The following PIAS1 variants were observed in gnomAD, a reference collection of about 807,000 sequenced individuals.
PIAS1 encodes the protein E3 SUMO-protein ligase PIAS1.
PIAS1 carries 6 observed loss-of-function variants against 71.3 expected under a neutral mutation model. The observed-to-expected ratio is 0.08, with a 90% CI of 0.05 to 0.17. PIAS1 has a LOEUF of 0.17. Among genes scored for constraint, PIAS1 ranks in the 10% least tolerant of loss-of-function variants. PIAS1 has a pLI of 1.00. For synonymous variants in PIAS1, 303 were observed against 292.9 expected, an observed-to-expected ratio of 1.03 and a Z score of -0.35; for missense variants, 555 against 793.6, an observed-to-expected ratio of 0.70 and a Z score of 3.61.
In PIAS1 at chr15:68,174,557, A is replaced by T. The variant is rs964034994; in HGVS notation, c.1169+665A>T. The stretch of plus-strand genomic sequence containing the variant: ...TTTTTTTGGGGATGGGGGGTTAGAG[A>T]CAGAGTCTTGCCATTTTGCCCAGGC... On this transcript the variant is annotated intron_variant, in intron 9 of 13. Coordinates refer to ENST00000249636, the MANE Select transcript of PIAS1 (RefSeq NM_016166.3). This position sits in a 1 kb window ranked among gnomAD's most constrained non-coding sequence, Gnocchi z 4.0. Among the ~76,000 whole-genome samples the T allele has an allele frequency of 6.6e-6, 1 of 152,140 alleles. No individual in the cohort carries two copies. Among genetic ancestry groups the T allele is most frequent in the Non-Finnish European group, 1.5e-5 (1 of 68,036 alleles).
intron 2 of PIAS1, among the ~76,000 whole-genome samples, chr15:68,098,548 A>G (rs1277682715): frequency 6.6e-6 from 1 of 152,134 alleles, no homozygotes; most frequent in Non-Finnish European, 1.5e-5. Context: ...TTGTTTTTAA[A>G]TTTTTAAATA....
At chr15:68,163,259 C>G (rs577428117) in intron 7 of PIAS1, among the ~76,000 whole-genome samples, 1 of 152,284 alleles carries the variant, frequency 6.6e-6, no homozygotes, top group Middle Eastern at 3.4e-3. Context: ...TGTATAATGA[C>G]AAAGGCATAC....
chr15:68,084,962 A>G (rs1208256390), intron 1 of PIAS1, among the ~76,000 whole-genome samples: 2 of 152,216 alleles, frequency 1.3e-5, no homozygotes, highest in Admixed American at 1.3e-4. Flanking sequence ...CCAGAGAAGT[A>G]AAGGAAGGAC....
Position 68,189,618 on chromosome 15 carries a change from A to C in PIAS1, c.*1783A>C, listed in dbSNP as rs1306081185. 1 of 152,170 alleles carries C rather than the reference A, an allele frequency of 6.6e-6. No homozygotes were observed. The highest frequency in any genetic ancestry group is 2.4e-5 in the African/African-American group (1 of 41,438). 9.4% of individuals were successfully genotyped at this position (152,170 alleles called of 1,614,324 possible). A position where few individuals can be genotyped will look rare whatever the true frequency, so the allele number is the denominator to read the frequency against. On this transcript the variant is annotated 3_prime_UTR_variant, in exon 14 of 14. Coordinates refer to ENST00000249636, the MANE Select transcript of PIAS1 (RefSeq NM_016166.3). ...TTGACTTGAATTTTGGGAAAAAAAA[A>C]AGTTGGTGTTGATATGTATATGTGT... is the stretch of plus-strand genomic sequence containing the variant.
In PIAS1 at chr15:68,181,249, C is replaced by A; in HGVS notation, c.1519C>A (p.Arg507Ser). The change falls in exon 12 of 14, where the codon CGC (arginine) becomes AGC (serine). Residue 507 changes from arginine (R) to serine (S), a missense_variant. Physicochemically the swap from Arg to Ser is moderately radical, Grantham distance 110. Transcript: ENST00000249636. ...SLPHQASPVS[R>S]TPSLPAVDTS... ...TCCACATCAAGCATCTCCAGTATCC[C>A]GCACCCCAAGCCTTCCTGCTGTAGA... 1 of 1,613,366 alleles carries A rather than the reference C, an allele frequency of 6.2e-7. No homozygotes were observed. Among genetic ancestry groups the A allele is most frequent in the South Asian group, 1.1e-5 (1 of 91,020 alleles).
At chr15:68,151,880 C>T (rs2092848449) in intron 6 of PIAS1, among the ~76,000 whole-genome samples, 1 of 145,866 alleles carries the variant, frequency 6.9e-6, no homozygotes, top group Non-Finnish European at 1.5e-5. Flanking sequence ...AATAAATAAA[C>T]AAATAAAGCT....
intron 7 of PIAS1, among the ~76,000 whole-genome samples, chr15:68,160,509 T>A (rs939376504): frequency 6.6e-6 from 1 of 152,190 alleles, no homozygotes; most frequent in African/African-American, 2.4e-5. Context: ...TACCGTAGCT[T>A]GATAGTAAGT....
At chr15:68,078,637 G>C (rs539842756) in intron 1 of PIAS1, among the ~76,000 whole-genome samples, 3 of 152,214 alleles carry the variant, frequency 2.0e-5, no homozygotes, top group Admixed American at 6.5e-5. Context: ...ATGAACTCTG[G>C]AATCAGGTCA....
intron 2 of PIAS1, among the ~76,000 whole-genome samples, chr15:68,136,902 C>T (rs1400353459): frequency 6.6e-6 from 1 of 152,076 alleles, no homozygotes; most frequent in Non-Finnish European, 1.5e-5. Flanking sequence ...CATAAATAGG[C>T]ATAGGACAAG....
Position 68,181,248 on chromosome 15 carries a change from C to T in PIAS1, c.1518C>T (p.Ser506=), listed in dbSNP as rs753602634. 3 of 1,613,426 alleles carry T rather than the reference C, an allele frequency of 1.9e-6. No homozygotes were observed. The highest frequency in any genetic ancestry group is 2.5e-6 in the Non-Finnish European group (3 of 1,179,652). The change falls in exon 12 of 14, where the codon TCC becomes TCT. Residue 506 remains serine (S), a synonymous_variant. Transcript: ENST00000249636. ...TTCCACATCAAGCATCTCCAGTATC[C>T]CGCACCCCAAGCCTTCCTGCTGTAG... ...LSLPHQASPV[S]RTPSLPAVDT...
chr15:68,140,655 TC>T (rs2092763764), intron 2 of PIAS1, among the ~76,000 whole-genome samples: 1 of 152,200 alleles, frequency 6.6e-6, no homozygotes, highest in Non-Finnish European at 1.5e-5. Context: ...TATTTCTTTC[TC>T]TTAATGATAC....
chr15:68,073,534 G>A lies in PIAS1; in HGVS notation c.25-12772G>A, dbSNP rs77694332. ...GTTAAACAGGAGAGCACATAAAAGC[G>A]TAAATTTTTTTAATGTTAGGAGTGG... is the stretch of plus-strand genomic sequence containing the variant. On this transcript the variant is annotated intron_variant, in intron 1 of 13. Coordinates refer to ENST00000249636, the MANE Select transcript of PIAS1 (RefSeq NM_016166.3). 6.1e-3 allele frequency among the ~76,000 whole-genome samples: 931 copies of A among 152,268 alleles called. 4 individuals are homozygous for A. Among genetic ancestry groups the A allele is most frequent in the East Asian group, 0.032 (168 of 5,182 alleles).
chr15:68,086,712 A>G lies in PIAS1; in HGVS notation c.431A>G (p.Tyr144Cys). Residue 144 changes from tyrosine (Y) to cysteine (C), a missense_variant, in exon 2 of 14, where the codon TAT (tyrosine) becomes TGT (cysteine). Tyr to Cys is a radical substitution (Grantham distance 194, BLOSUM62 -2). Around this residue, in one of 5 missense-constraint regions of PIAS1, gnomAD observed 134 missense variants for 203.4 expected, o/e 0.66. Transcript: ENST00000249636. The surrounding 1 kb of genome is among the most constrained non-coding windows in gnomAD (Gnocchi z 7.2). Reference protein sequence around the residue: ...PDIKLQKLPFYDLLDELIKPT... With the variant: ...PDIKLQKLPFCDLLDELIKPT... Reference sequence around the variant, plus strand: ...ATAAAACTTCAAAAATTACCATTTTATGATTTACTGGATGAACTGATAAAA... The same window carrying G: ...ATAAAACTTCAAAAATTACCATTTTGTGATTTACTGGATGAACTGATAAAA... 1.2e-6 allele frequency: 2 copies of G among 1,612,984 alleles called. No homozygotes were observed. The highest frequency in any genetic ancestry group is 1.7e-6 in the Non-Finnish European group (2 of 1,178,966).
At chr15:68,071,782 T>A (rs2092099709) in intron 1 of PIAS1, among the ~76,000 whole-genome samples, 1 of 150,386 alleles carries the variant, frequency 6.6e-6, no homozygotes, top group Non-Finnish European at 1.5e-5. Context: ...CCTGGCCAAC[T>A]CTACAAAAAA....
rs560264668 is a variant in PIAS1, at chr15:68,085,048, T to C, written c.25-1258T>C. The stretch of plus-strand genomic sequence containing the variant: ...CTTTTCTCCTCAGTATTTTATTTTT[T>C]GCTTAATGGTTTTGCCACCTGCAAA... On this transcript the variant is annotated intron_variant, in intron 1 of 13. Transcript: ENST00000249636. Among the ~76,000 whole-genome samples the C allele has an allele frequency of 3.9e-5, 6 of 152,312 alleles. No homozygotes were observed. The East Asian group carries it at 9.6e-4, about 24-fold the overall frequency.
chr15:68,125,797 C>T (rs1443946335), intron 2 of PIAS1, among the ~76,000 whole-genome samples: 2 of 151,988 alleles, frequency 1.3e-5, no homozygotes, highest in East Asian at 3.9e-4. Flanking sequence ...AACTCCTGAG[C>T]TTAAGCCATC....
intron 7 of PIAS1, chr15:68,153,908 G>A (rs945929424): frequency 1.2e-5 from 4 of 339,038 alleles, no homozygotes; most frequent in Admixed American, 4.4e-5. Context: ...GCACAAACAT[G>A]GAAGAATATT....
At chr15:68,154,782 A>G (rs527979262) in intron 7 of PIAS1, among the ~76,000 whole-genome samples, 1 of 152,336 alleles carries the variant, frequency 6.6e-6, no homozygotes, top group South Asian at 2.1e-4. Flanking sequence ...ATGGAGACCT[A>G]GAAGGGCAGC....
At chr15:68,066,850 A>T (rs916047490) in intron 1 of PIAS1, among the ~76,000 whole-genome samples, 3 of 152,214 alleles carry the variant, frequency 2.0e-5, no homozygotes, top group African/African-American at 7.2e-5. Context: ...GGAAAAGAAC[A>T]TGAATTTTAG....
Sources: allele counts gnomAD v4.1 joint callset (sites outside exome capture counted in the v4.1 genomes callset), GRCh38; gene constraint gnomAD v4.1.1; regional missense constraint gnomAD v4.1.1; non-coding constraint Gnocchi (gnomAD v3.1); transcripts MANE v1.5; gene names NCBI Gene and HGNC (gene_info 2026-07-23, HGNC 2026-07-21).